Variants in ATP9B observed in about 807,000 individuals in gnomAD.
ATP9B encodes the protein ATPase phospholipid transporting 9B, also known as probable phospholipid-transporting ATPase IIB.
ATP9B carries 110 observed loss-of-function variants against 146.1 expected under a neutral mutation model. The ratio of observed to expected loss-of-function variants is 0.75; its 90% confidence interval spans 0.65 to 0.88. The LOEUF (loss-of-function observed/expected upper bound fraction) is 0.88, where lower values mean the gene tolerates loss of function less well. Among genes scored for constraint, ATP9B ranks in the 40% least tolerant of loss-of-function variants. ATP9B has a pLI of 0.00. For synonymous variants in ATP9B, 604 were observed against 569.7 expected, an observed-to-expected ratio of 1.06 and a Z score of -0.86; for missense variants, 1,499 against 1,496.4, an observed-to-expected ratio of 1.00 and a Z score of -0.03.
At chr18:79,369,984 AG>A (rs1233058861) in intron 26 of ATP9B, among the ~76,000 whole-genome samples, 1 of 152,168 alleles carries the variant, frequency 6.6e-6, no homozygotes. Flanking sequence ...TTGTAATCCC[AG>A]CTACTCGGGA....
intron 1 of ATP9B, among the ~76,000 whole-genome samples, chr18:79,091,121 A>G (rs942221259): frequency 6.6e-6 from 1 of 152,038 alleles, no homozygotes; most frequent in Non-Finnish European, 1.5e-5. Flanking sequence ...TGGGTTCTCT[A>G]TTCTGGTCCA....
At chr18:79,354,870 C>T (rs1002914150) in intron 25 of ATP9B, among the ~76,000 whole-genome samples, 3 of 152,202 alleles carry the variant, frequency 2.0e-5, no homozygotes, top group Non-Finnish European at 4.4e-5. Context: ...ACCGTGGGTC[C>T]ACGAAAGGGG....
rs1292413064 is a variant in ATP9B, at chr18:79,331,668, C to T, written c.2028+1564C>T. Among the ~76,000 whole-genome samples, 4 of 152,048 alleles carry T rather than the reference C, an allele frequency of 2.6e-5. No homozygotes were observed. The East Asian group carries it at 7.7e-4, about 29-fold the overall frequency. ...GAGTTAAAAGTGTATTATTCTGCTT[C>T]CATCAGGCTCCTCCAGAACTGAATT... On this transcript the variant is annotated intron_variant, in intron 17 of 29. Coordinates refer to ENST00000426216, the MANE Select transcript of ATP9B (RefSeq NM_198531.5).
At chr18:79,123,914 G>A (rs2094234415) in intron 4 of ATP9B, among the ~76,000 whole-genome samples, 1 of 152,198 alleles carries the variant, frequency 6.6e-6, no homozygotes, top group African/African-American at 2.4e-5. Flanking sequence ...GTGAAAAGTT[G>A]CTCAACGTCA....
At position 79,329,319 on chromosome 18, in the gene ATP9B, G is replaced by C; in HGVS notation, c.1935+17G>C. 6.4e-7 allele frequency: 1 copy of C among 1,566,184 alleles called. No homozygotes were observed. The highest frequency in any genetic ancestry group is 8.7e-7 in the Non-Finnish European group (1 of 1,154,776). ...ATCGTCAGGGTGAGGCTGCGGGGAG[G>C]GTGCCACGCGATGGCTTCAGACATT... is the stretch of plus-strand genomic sequence containing the variant. On this transcript the variant is annotated intron_variant, in intron 16 of 29. Coordinates refer to ENST00000426216, the MANE Select transcript of ATP9B (RefSeq NM_198531.5).
Position 79,284,830 on chromosome 18 carries a change from C to A in ATP9B, c.1411+7634C>A, listed in dbSNP as rs188003834. Among the ~76,000 whole-genome samples, 948 of 121,142 alleles carry A rather than the reference C, an allele frequency of 7.8e-3. 5 individuals are homozygous for A. The highest frequency in any genetic ancestry group is 0.028 in the African/African-American group (886 of 32,180). 79.5% of individuals were successfully genotyped at this position (121,142 alleles called of 152,430 possible). On this transcript the variant is annotated intron_variant, in intron 13 of 29. Transcript: ENST00000426216. Reference sequence around the variant, plus strand: ...GTTCCCCTTCCCGTGTCCGTGTGTTCTCATTGTTCAGTTCCCACCTATGAG... The same window carrying A: ...GTTCCCCTTCCCGTGTCCGTGTGTTATCATTGTTCAGTTCCCACCTATGAG...
rs73971585 is a variant in ATP9B, at chr18:79,229,647, C to T, written c.1107+15609C>T. ...AGGCGCTCTGCTGTCTTCACAGACA[C>T]GTCAGGTTACTGCTGCGTGTTTCTA... On this transcript the variant is annotated intron_variant, in intron 11 of 29. Coordinates refer to ENST00000426216, the MANE Select transcript of ATP9B (RefSeq NM_198531.5). 5.1e-3 allele frequency among the ~76,000 whole-genome samples: 783 copies of T among 152,318 alleles called. 12 individuals carry two copies. The highest frequency in any genetic ancestry group is 0.017 in the African/African-American group (710 of 41,568).
intron 11 of ATP9B, among the ~76,000 whole-genome samples, chr18:79,217,393 C>T (rs967849749): frequency 6.6e-6 from 1 of 152,160 alleles, no homozygotes; most frequent in Non-Finnish European, 1.5e-5. Flanking sequence ...ACCTTGTTAG[C>T]CAGGATTGTC....
chr18:79,320,156 A>G (rs954914768), intron 15 of ATP9B, among the ~76,000 whole-genome samples: 1 of 152,202 alleles, frequency 6.6e-6, no homozygotes, highest in Non-Finnish European at 1.5e-5. Flanking sequence ...TTTAGCTTTC[A>G]TTTATTCAAG....
intron 7 of ATP9B, among the ~76,000 whole-genome samples, chr18:79,163,867 T>TCACACACACACAC (rs2094921300): frequency 1.3e-5 from 1 of 77,762 alleles, no homozygotes. Context: ...TATTTTATTT[T>TCACACACACACAC]ATACACACAC....
Position 79,303,607 on chromosome 18 carries a change from C to T in ATP9B, c.1415C>T (p.Thr472Ile). ...LVYLLTDKTG[T>I]LTQNEMIFKR... ...GCTGTTGTCCCCTTTATCCTAGGAA[C>T]CCTCACCCAGAATGAAATGATATTT... Residue 472 changes from threonine to isoleucine, a missense_variant, in exon 14 of 30, where the codon ACC becomes ATC. Thr to Ile is a moderately conservative substitution (Grantham distance 89). Coordinates refer to ENST00000426216, the MANE Select transcript of ATP9B (RefSeq NM_198531.5). 6.2e-7 allele frequency: 1 copy of T among 1,613,582 alleles called. No homozygotes were observed. Among genetic ancestry groups the T allele is most frequent in the Non-Finnish European group, 8.5e-7 (1 of 1,179,638 alleles).
At chr18:79,147,210 A>G (rs893487787) in intron 6 of ATP9B, among the ~76,000 whole-genome samples, 4 of 151,824 alleles carry the variant, frequency 2.6e-5, no homozygotes, top group African/African-American at 7.3e-5. Flanking sequence ...TCGTGAATCA[A>G]CAAGTGTCAG....
At chr18:79,228,898 C>T (rs572594729) in intron 11 of ATP9B, among the ~76,000 whole-genome samples, 19 of 151,992 alleles carry the variant, frequency 1.3e-4, no homozygotes, top group Non-Finnish European at 2.4e-4. Context: ...TGGTAGGGCA[C>T]ACCTGTGGTA....
chr18:79,216,276 G>A (rs1346176437), intron 11 of ATP9B, among the ~76,000 whole-genome samples: 6 of 152,012 alleles, frequency 3.9e-5, no homozygotes, highest in Non-Finnish European at 7.4e-5. Context: ...TTGGTTCTGC[G>A]TTGGAGCGGC....
intron 1 of ATP9B, 53 bp from the exon 2 acceptor site, chr18:79,096,423 C>A: frequency 6.6e-7 from 1 of 1,509,542 alleles, no homozygotes; most frequent in Non-Finnish European, 9.1e-7. Flanking sequence ...ATGAAACACA[C>A]TGTAAAGAAG....
At chr18:79,087,663 A>C (rs2073961124) in intron 1 of ATP9B, 1 of 152,230 alleles carries the variant, frequency 6.6e-6, no homozygotes, top group Non-Finnish European at 1.5e-5. Flanking sequence ...TAAGGCTTAG[A>C]TATTTAAGAT....
At chr18:79,159,853 A>G (rs2094851771) in intron 7 of ATP9B, among the ~76,000 whole-genome samples, 1 of 152,206 alleles carries the variant, frequency 6.6e-6, no homozygotes, top group Non-Finnish European at 1.5e-5. Flanking sequence ...AAGCACACCT[A>G]CATTTGTGAT....
At chr18:79,130,983 A>C (rs1425658333) in intron 5 of ATP9B, among the ~76,000 whole-genome samples, 1 of 152,194 alleles carries the variant, frequency 6.6e-6, no homozygotes, top group Non-Finnish European at 1.5e-5. Context: ...CAATGTGGTG[A>C]AACCCTGTCT....
intron 7 of ATP9B, among the ~76,000 whole-genome samples, chr18:79,172,605 C>G (rs1319642495): frequency 6.6e-6 from 1 of 151,768 alleles, no homozygotes; most frequent in African/African-American, 2.4e-5. Context: ...GCCTTGGCCT[C>G]CCAAGGTGCT....
Sources: allele counts gnomAD v4.1 joint callset (sites outside exome capture counted in the v4.1 genomes callset), GRCh38; gene constraint gnomAD v4.1.1; transcripts MANE v1.5; gene names NCBI Gene and HGNC (gene_info 2026-07-23, HGNC 2026-07-21).